ORMDL1: variants seen among roughly 807,000 people sequenced by gnomAD.
The protein encoded by ORMDL1 is ORMDL sphingolipid biosynthesis regulator 1, also known as ORM1-like protein 1.
In ORMDL1, 10 loss-of-function variants were observed where a neutral mutation model predicts 13.0. That is an observed-to-expected ratio of 0.77 (90% CI 0.47 to 1.30). The LOEUF (loss-of-function observed/expected upper bound fraction) is 1.30. Ranked by LOEUF, ORMDL1 falls within the 50% of genes most tolerant of loss-of-function variation. The pLI is 0.00. For missense variants in ORMDL1, 171 were observed against 186.7 expected (o/e 0.92, Z 0.49); for synonymous variants, 61 against 63.9 (o/e 0.95, Z 0.22).
Position 189,771,794 on chromosome 2 carries a change from A to T in ORMDL1, c.435T>A (p.Val145=). Residue 145 remains valine, a synonymous_variant, in exon 5 of 5, where the codon GTT becomes GTA. Coordinates refer to ENST00000392349, the MANE Select transcript of ORMDL1 (RefSeq NM_016467.5). The part of the protein sequence containing the change: ...LIPKMPQLHG[V]RIFGINKY ...AATACTTATTAATTCCAAAGATCCGAACACCATGTAGTTGTGGCATTTTGG... is the reference window on the plus strand; with the variant it reads ...AATACTTATTAATTCCAAAGATCCGTACACCATGTAGTTGTGGCATTTTGG... 6.2e-7 allele frequency: 1 copy of T among 1,605,036 alleles called. No individual in the cohort carries two copies. The highest frequency in any genetic ancestry group is 8.5e-7 in the Non-Finnish European group (1 of 1,177,588).
At chr2:189,774,649 T>A (rs2047654231) in intron 4 of ORMDL1, 1 of 152,222 alleles carries the variant, frequency 6.6e-6, no homozygotes, top group South Asian at 2.1e-4. Context: ...TACTGTGGGA[T>A]TCAAAGCAAT....
rs10201819 is a variant in ORMDL1, at chr2:189,778,016, T to C, written c.175-2300A>G. On this transcript the variant is annotated intron_variant, in intron 3 of 4. Coordinates refer to ENST00000392349, the MANE Select transcript of ORMDL1 (RefSeq NM_016467.5). ...TTTAGTGTGGTGAACTAATAACAAA[T>C]AAATCAGAAGTTTGCTTTTCTATAC... Among the ~76,000 whole-genome samples, 488 of 152,316 alleles carry C rather than the reference T, an allele frequency of 3.2e-3. 1 individual carries two copies. The highest frequency in any genetic ancestry group is 0.011 in the African/African-American group (474 of 41,568).
chr2:189,784,161 G>A (rs1009074160), intron 1 of ORMDL1, 108 bp downstream of exon 1: 2 of 152,568 alleles, frequency 1.3e-5, no homozygotes, highest in African/African-American at 2.4e-5. Context: ...GGGCGCCGCA[G>A]ATGCAGCCGG....
chr2:189,767,575 T>C (rs1559185255), downstream of ORMDL1, among the ~76,000 whole-genome samples: 1 of 152,216 alleles, frequency 6.6e-6, no homozygotes. Flanking sequence ...CTTTATATCT[T>C]AAAACTATTT....
At chr2:189,780,543 A>C (rs562350677) in intron 3 of ORMDL1, among the ~76,000 whole-genome samples, 1 of 152,332 alleles carries the variant, frequency 6.6e-6, no homozygotes, top group East Asian at 1.9e-4. Context: ...CTACAGGTAG[A>C]AACTGAAAAT....
At chr2:189,774,955 TA>T (rs2047660521) in intron 4 of ORMDL1, 1 of 152,196 alleles carries the variant, frequency 6.6e-6, no homozygotes, top group South Asian at 2.1e-4. Flanking sequence ...AGAAATTAGA[TA>T]CCAGATACAG....
chr2:189,768,895 C>T (rs530964889), downstream of ORMDL1, among the ~76,000 whole-genome samples: 3 of 152,076 alleles, frequency 2.0e-5, no homozygotes, highest in Non-Finnish European at 4.4e-5. Flanking sequence ...ATATTTATTC[C>T]ATGCTGTTGA....
At chr2:189,768,206 T>G (rs1038131317), downstream of ORMDL1, among the ~76,000 whole-genome samples, 2 of 152,350 alleles carry the variant, frequency 1.3e-5, no homozygotes, top group African/African-American at 4.8e-5. Flanking sequence ...GCTGCACTAC[T>G]CCAAACCTCC....
At chr2:189,777,407 G>C (rs1468580421) in intron 3 of ORMDL1, among the ~76,000 whole-genome samples, 1 of 152,166 alleles carries the variant, frequency 6.6e-6, no homozygotes, top group Non-Finnish European at 1.5e-5. Context: ...CCCCCAAAAA[G>C]TTAAGAACAT....
rs201134408 is a variant in ORMDL1 at position 189,771,793 on chromosome 2, G to A, written c.436C>T (p.Arg146Trp). The A allele has an allele frequency of 7.4e-5, 119 of 1,603,398 alleles. 1 individual carries two copies. In the East Asian group the frequency reaches 2.4e-3, roughly 32 times the overall value. ...CAATACTTATTAATTCCAAAGATCCGAACACCATGTAGTTGTGGCATTTTG... is the reference window on the plus strand; with the variant it reads ...CAATACTTATTAATTCCAAAGATCCAAACACCATGTAGTTGTGGCATTTTG... Reference protein sequence around the residue: ...IPKMPQLHGVRIFGINKY With the variant: ...IPKMPQLHGVWIFGINKY Residue 146 changes from arginine (R) to tryptophan (W), a missense_variant, in exon 5 of 5, where the codon CGG becomes TGG. Coordinates refer to ENST00000392349, the MANE Select transcript of ORMDL1 (RefSeq NM_016467.5).
intron 3 of ORMDL1, among the ~76,000 whole-genome samples, chr2:189,780,325 A>G (rs1303809777): frequency 6.6e-6 from 1 of 152,300 alleles, no homozygotes; most frequent in East Asian, 1.9e-4. Flanking sequence ...TGGGTTTCTG[A>G]TTAGGGATGC....
chr2:189,769,501 G>A (rs1352747482), downstream of ORMDL1, among the ~76,000 whole-genome samples: 1 of 152,072 alleles, frequency 6.6e-6, no homozygotes, highest in African/African-American at 2.4e-5. Context: ...ATTAGTGAAG[G>A]AGATATTATT....
chr2:189,766,481 A>G (rs529488847), downstream of ORMDL1, among the ~76,000 whole-genome samples: 90 of 152,282 alleles, frequency 5.9e-4, no homozygotes, highest in African/African-American at 1.6e-3. Flanking sequence ...TAATCCCAGC[A>G]CTTTGGGAGG....
Position 189,771,840 on chromosome 2 carries a change from G to A in ORMDL1, c.389C>T (p.Ser130Phe). 6.2e-7 allele frequency: 1 copy of A among 1,610,752 alleles called. No homozygotes were observed. The highest frequency in any genetic ancestry group is 8.5e-7 in the Non-Finnish European group (1 of 1,177,460). ...TTTGGGAATTAGTACACTCAGGAGA[G>A]AAGCTGTGTTTAGGATGAAGTGAGT... ...DPTHFILNTA[S>F]LLSVLIPKMP... Residue 130 changes from serine to phenylalanine, a missense_variant, in exon 5 of 5, where the codon TCT (serine) becomes TTT (phenylalanine). Transcript: ENST00000392349.
At chr2:189,781,965 C>T (rs1385553850) in intron 3 of ORMDL1, among the ~76,000 whole-genome samples, 10 of 147,108 alleles carry the variant, frequency 6.8e-5, no homozygotes, top group South Asian at 2.1e-4. Flanking sequence ...TTTTTTGAGA[C>T]GAAATCTCAC....
intron 1 of ORMDL1, 199 bp downstream of exon 1, chr2:189,784,070 T>A (rs1478970910): frequency 6.6e-6 from 1 of 152,284 alleles, no homozygotes; most frequent in Non-Finnish European, 1.5e-5. Flanking sequence ...CGGCCGCACG[T>A]CACGTCAGGA....
At chr2:189,772,197 C>T (rs779696316) in intron 4 of ORMDL1, among the ~76,000 whole-genome samples, 1 of 152,098 alleles carries the variant, frequency 6.6e-6, no homozygotes, top group Non-Finnish European at 1.5e-5. Flanking sequence ...TTCATATGCC[C>T]TCTGTAATTA....
At chr2:189,769,819 T>C (rs559627452), downstream of ORMDL1, among the ~76,000 whole-genome samples, 286 of 152,312 alleles carry the variant, frequency 1.9e-3, 4 homozygotes, top group African/African-American at 6.4e-3. Context: ...ACAATAGTAA[T>C]TGCTGCAAGA....
At chr2:189,768,280 A>C (rs2047515577), downstream of ORMDL1, among the ~76,000 whole-genome samples, 1 of 152,138 alleles carries the variant, frequency 6.6e-6, no homozygotes, top group African/African-American at 2.4e-5. Flanking sequence ...GCTCACATCG[A>C]CATGTACTAT....
Sources: gnomAD v4.1 joint callset for allele counts (sites outside exome capture counted in the v4.1 genomes callset) on GRCh38, gnomAD v4.1.1 for gene constraint, MANE v1.5 for transcripts, NCBI Gene and HGNC (gene_info 2026-07-23, HGNC 2026-07-21) for gene names.